CDH18: variants seen among roughly 807,000 people sequenced by gnomAD.
CDH18 encodes cadherin 18.
A neutral mutation model predicts 67.9 loss-of-function variants in CDH18; 31 were observed. The ratio of observed to expected loss-of-function variants is 0.46; its 90% confidence interval spans 0.34 to 0.62. The LOEUF is 0.62. Among genes scored for constraint, CDH18 ranks in the 20% least tolerant of loss-of-function variants. CDH18 has a pLI of 0.01. For missense variants in CDH18, 890 were observed against 975.5 expected, an observed-to-expected ratio of 0.91 and a Z score of 1.17; for synonymous variants, 362 against 347.2, an observed-to-expected ratio of 1.04 and a Z score of -0.48.
At position 19,839,037 on chromosome 5, in the gene CDH18, C is replaced by G; in HGVS notation, c.-51G>C. 6.8e-7 allele frequency: 1 copy of G among 1,473,404 alleles called. No individual in the cohort carries two copies. Among genetic ancestry groups the G allele is most frequent in the South Asian group, 1.1e-5 (1 of 87,238 alleles). The allele number at this position is 1,473,404 out of a possible 1,614,324, so 91.3% of individuals were successfully genotyped here. A position where few individuals can be genotyped will look rare whatever the true frequency, so the allele number is the denominator to read the frequency against. On this transcript the variant is annotated 5_prime_UTR_variant, in exon 3 of 13. Transcript: ENST00000382275. The stretch of plus-strand genomic sequence containing the variant: ...TTTTCCTTCCTTTCCTTGTCAGCTA[C>G]GAAAGCTTAGTGAGCATTCAAGAGA...
intron 2 of CDH18, among the ~76,000 whole-genome samples, chr5:19,969,390 C>T (rs1434775265): frequency 6.7e-6 from 1 of 150,128 alleles, no homozygotes; most frequent in African/African-American, 2.5e-5. Flanking sequence ...AAGACACATG[C>T]ACATGTATGT....
intron 2 of CDH18, among the ~76,000 whole-genome samples, chr5:19,897,354 G>C (rs1789457940): frequency 6.6e-6 from 1 of 152,116 alleles, no homozygotes. Flanking sequence ...TCAAGGAAAT[G>C]TGAATGAAGA....
chr5:20,499,099 T>A (rs977060777), intron 1 of CDH18, among the ~76,000 whole-genome samples: 1 of 151,866 alleles, frequency 6.6e-6, no homozygotes, highest in Non-Finnish European at 1.5e-5. Context: ...AACTAAACTA[T>A]ATATACATAT....
chr5:19,930,977 T>C (rs1364943828), intron 2 of CDH18, among the ~76,000 whole-genome samples: 2 of 152,130 alleles, frequency 1.3e-5, no homozygotes, highest in East Asian at 3.9e-4. Flanking sequence ...TCTCAGTTGC[T>C]ACATCTTGGC....
intron 2 of CDH18, among the ~76,000 whole-genome samples, chr5:20,203,607 A>G (rs1313365061): frequency 3.1e-5 from 4 of 129,828 alleles, no homozygotes; most frequent in Non-Finnish European, 6.3e-5. Flanking sequence ...GAGAAATTCA[A>G]CAGGTAAATT....
chr5:20,543,070 T>C (rs997614759), intron 1 of CDH18, among the ~76,000 whole-genome samples: 1 of 152,000 alleles, frequency 6.6e-6, no homozygotes, highest in East Asian at 1.9e-4. Context: ...TTTAAAATTG[T>C]TTTAATAAAT....
chr5:20,274,588 T>G (rs1004539921), intron 1 of CDH18, among the ~76,000 whole-genome samples: 1 of 152,072 alleles, frequency 6.6e-6, no homozygotes, highest in Admixed American at 6.6e-5. Flanking sequence ...GTTATAAACT[T>G]TATGTGTAGC....
At chr5:19,592,978 C>T (rs1283464745) in intron 6 of CDH18, among the ~76,000 whole-genome samples, 9 of 151,964 alleles carry the variant, frequency 5.9e-5, no homozygotes, top group Admixed American at 5.9e-4. Flanking sequence ...CAGTAGTCAT[C>T]CATGTTGTTG....
intron 2 of CDH18, among the ~76,000 whole-genome samples, chr5:19,844,518 C>A (rs1055725004): frequency 1.3e-5 from 2 of 152,264 alleles, no homozygotes; most frequent in African/African-American, 2.4e-5. Flanking sequence ...AAATCTCTCT[C>A]TTCTATAAAT....
At chr5:19,475,244 C>G (rs1738248353) in intron 12 of CDH18, among the ~76,000 whole-genome samples, 1 of 147,962 alleles carries the variant, frequency 6.8e-6, no homozygotes, top group Non-Finnish European at 1.5e-5. Context: ...AGTAAGCTTA[C>G]ATTCTTATAA....
intron 5 of CDH18, among the ~76,000 whole-genome samples, chr5:19,652,507 T>C (rs1755723030): frequency 6.6e-6 from 1 of 151,844 alleles, no homozygotes; most frequent in South Asian, 2.1e-4. Flanking sequence ...ATGAGGAATA[T>C]TAGAGCAAAA....
chr5:20,212,606 C>T (rs947108095), intron 2 of CDH18, among the ~76,000 whole-genome samples: 1 of 151,764 alleles, frequency 6.6e-6, no homozygotes, highest in African/African-American at 2.4e-5. Flanking sequence ...GCCAGAAGAG[C>T]GTGGGGGCCA....
intron 2 of CDH18, among the ~76,000 whole-genome samples, chr5:20,100,666 T>C (rs899382500): frequency 6.6e-6 from 1 of 152,166 alleles, no homozygotes. Context: ...TTGAGTGTAT[T>C]ACCTATACAT....
chr5:20,408,772 A>T (rs1156575746), intron 1 of CDH18, among the ~76,000 whole-genome samples: 1 of 151,914 alleles, frequency 6.6e-6, no homozygotes, highest in East Asian at 1.9e-4. Flanking sequence ...TGTGAAAGAC[A>T]CACCAATAAA....
chr5:20,321,699 T>C (rs1203306349), intron 1 of CDH18, among the ~76,000 whole-genome samples: 1 of 152,144 alleles, frequency 6.6e-6, no homozygotes, highest in Admixed American at 6.5e-5. Context: ...TTTTTAACAT[T>C]TCCTTTCCCA....
At chr5:20,145,065 T>C (rs1750533021) in intron 2 of CDH18, among the ~76,000 whole-genome samples, 1 of 152,146 alleles carries the variant, frequency 6.6e-6, no homozygotes, top group Admixed American at 6.6e-5. Context: ...TTGTTTCAGC[T>C]ACCCTGTTTG....
intron 5 of CDH18, among the ~76,000 whole-genome samples, chr5:19,626,636 T>A (rs1036032232): frequency 6.6e-6 from 1 of 152,128 alleles, no homozygotes; most frequent in African/African-American, 2.4e-5. Flanking sequence ...CCAGGCACTA[T>A]TCTAGGTGGA....
At chr5:19,828,808 G>T (rs899092971) in intron 3 of CDH18, among the ~76,000 whole-genome samples, 1 of 152,076 alleles carries the variant, frequency 6.6e-6, no homozygotes, top group African/African-American at 2.4e-5. Context: ...AGGCCAAGGC[G>T]GGAGGATCAC....
chr5:19,828,254 C>G (rs1780624269), intron 3 of CDH18, among the ~76,000 whole-genome samples: 1 of 152,018 alleles, frequency 6.6e-6, no homozygotes, highest in Non-Finnish European at 1.5e-5. Flanking sequence ...CAGAAAAACT[C>G]CATGACCACA....
Sources: gnomAD v4.1 joint callset for allele counts (sites outside exome capture counted in the v4.1 genomes callset) on GRCh38, gnomAD v4.1.1 for gene constraint, MANE v1.5 for transcripts, NCBI Gene and HGNC (gene_info 2026-07-23, HGNC 2026-07-21) for gene names.